Variants in MAL observed in about 807,000 individuals in gnomAD.
The protein encoded by MAL is myelin and lymphocyte protein.
Under a neutral mutation model 16.7 loss-of-function variants are expected in MAL, and 5 were observed. The ratio of observed to expected loss-of-function variants is 0.30; its 90% CI spans 0.16 to 0.63. MAL has a LOEUF of 0.63. MAL is among the 30% of genes least tolerant of loss of function. MAL has a pLI of 0.82. For synonymous variants in MAL, 96 were observed against 85.5 expected, an observed-to-expected ratio of 1.12 and a Z score of -0.67; for missense variants, 202 against 195.8, an observed-to-expected ratio of 1.03 and a Z score of -0.19.
Position 95,039,428 on chromosome 2 carries a change from C to G in MAL, c.94-8531C>G, listed in dbSNP as rs187003116. Among the ~76,000 whole-genome samples, 262 of 73,006 alleles carry G rather than the reference C, an allele frequency of 3.6e-3. 1 individual carries two copies. The highest frequency in any genetic ancestry group is 4.7e-3 in the Admixed American group (34 of 7,162). The allele number at this position is 73,006 out of a possible 152,430, so 47.9% of individuals were successfully genotyped here. ...AGTGAATGGGTGAGTGAGTGAGTGA[C>G]TGAGTGACTGAGTGAGTGAGTGAGT... On this transcript the variant is annotated intron_variant, in intron 1 of 3. Coordinates refer to ENST00000309988, the MANE Select transcript of MAL (RefSeq NM_002371.4).
intron 1 of MAL, among the ~76,000 whole-genome samples, chr2:95,033,215 G>A (rs1674129941): frequency 6.6e-6 from 1 of 152,212 alleles, no homozygotes; most frequent in Admixed American, 6.5e-5. Context: ...AGAAGATGAC[G>A]TTCCCTGACC....
chr2:95,042,203 G>A (rs1573296934), intron 1 of MAL, among the ~76,000 whole-genome samples: 1 of 152,206 alleles, frequency 6.6e-6, no homozygotes, highest in Non-Finnish European at 1.5e-5. Flanking sequence ...GACCTGGAGG[G>A]GGGCAGTCGG....
chr2:95,028,527 C>T (rs1674003835), intron 1 of MAL, among the ~76,000 whole-genome samples: 4 of 151,998 alleles, frequency 2.6e-5, no homozygotes. Flanking sequence ...TTGGTGTTCC[C>T]TCAAAAAATT....
At chr2:95,049,117 C>A (rs1674655215) in intron 2 of MAL, among the ~76,000 whole-genome samples, 1 of 152,192 alleles carries the variant, frequency 6.6e-6, no homozygotes, top group Non-Finnish European at 1.5e-5. Flanking sequence ...CACGCCCAGC[C>A]CTTTTTTGCT....
chr2:95,032,090 G>A (rs774962717), intron 1 of MAL, among the ~76,000 whole-genome samples: 1 of 152,262 alleles, frequency 6.6e-6, no homozygotes, highest in African/African-American at 2.4e-5. Flanking sequence ...ATGGGGCAAT[G>A]CCAGAACTGG....
chr2:95,026,157 G>A (rs530785725), intron 1 of MAL, among the ~76,000 whole-genome samples: 4 of 152,010 alleles, frequency 2.6e-5, no homozygotes, highest in Non-Finnish European at 5.9e-5. Context: ...AGCGGGGCAG[G>A]GGGGGACGGC....
At chr2:95,048,658 G>A (rs1674644621) in intron 2 of MAL, among the ~76,000 whole-genome samples, 2 of 152,206 alleles carry the variant, frequency 1.3e-5, no homozygotes, top group South Asian at 4.1e-4. Flanking sequence ...CCATGAAAAG[G>A]TAACTTTTAC....
intron 1 of MAL, among the ~76,000 whole-genome samples, chr2:95,036,324 T>C (rs1674204249): frequency 6.6e-6 from 1 of 152,164 alleles, no homozygotes; most frequent in Non-Finnish European, 1.5e-5. Flanking sequence ...CCTCATGGGC[T>C]CAGGTGGGGA....
chr2:95,042,991 G>T (rs1360069714), intron 1 of MAL, among the ~76,000 whole-genome samples: 1 of 152,204 alleles, frequency 6.6e-6, no homozygotes, highest in African/African-American at 2.4e-5. Flanking sequence ...TCTCAGCTTT[G>T]CACACAGCGG....
At chr2:95,047,862 T>C (rs1674624944) in intron 1 of MAL, 97 bp from the exon 2 acceptor site, 1 of 1,223,042 alleles carries the variant, frequency 8.2e-7, no homozygotes, top group African/African-American at 1.5e-5. Flanking sequence ...TCCTGTGTTT[T>C]TGCACTCCAG....
chr2:95,039,036 G>GTGAC (rs1172164747), intron 1 of MAL, among the ~76,000 whole-genome samples: 2 of 151,488 alleles, frequency 1.3e-5, no homozygotes, highest in African/African-American at 4.9e-5. Flanking sequence ...GAGTGAGTGA[G>GTGAC]TGACTGAGTG....
At chr2:95,050,218 G>A (rs780478088) in intron 3 of MAL, among the ~76,000 whole-genome samples, 5 of 152,200 alleles carry the variant, frequency 3.3e-5, no homozygotes, top group African/African-American at 9.7e-5. Context: ...CCAAGTGGTC[G>A]TCCATTGAAG....
chr2:95,039,692 GTGAC>G (rs1382929019), intron 1 of MAL, among the ~76,000 whole-genome samples: 2 of 145,002 alleles, frequency 1.4e-5, no homozygotes, highest in African/African-American at 5.1e-5. Context: ...GACTGAGTGA[GTGAC>G]TGAGTGACTG....
chr2:95,053,383 G>A lies in MAL; in HGVS notation c.390G>A (p.Val130=), dbSNP rs147251990. The change falls in exon 4 of 4, where the codon GTG becomes GTA. Residue 130 remains valine, a splice_region_variant and synonymous_variant. Coordinates refer to ENST00000309988, the MANE Select transcript of MAL (RefSeq NM_002371.4). ...RHYHENIAAV[V]FSYIATLLYV... ...ACGGCCATTTCTCTTGGTTCCAGGT[G>A]TTCTCCTACATAGCCACTCTGCTCT... 75 of 1,610,900 alleles carry A rather than the reference G, an allele frequency of 4.7e-5. No individual in the cohort carries two copies. Among genetic ancestry groups the A allele is most frequent in the Non-Finnish European group, 3.9e-5 (46 of 1,177,424 alleles).
At chr2:95,045,430 T>A (rs1674564091) in intron 1 of MAL, among the ~76,000 whole-genome samples, 1 of 152,198 alleles carries the variant, frequency 6.6e-6, no homozygotes. Context: ...CACCGATGCA[T>A]GGCTGGATGG....
intron 1 of MAL, among the ~76,000 whole-genome samples, chr2:95,036,480 C>T (rs1674209312): frequency 6.6e-6 from 1 of 152,200 alleles, no homozygotes; most frequent in African/African-American, 2.4e-5. Context: ...GGCAAGACTG[C>T]ATGAGAGAGG....
At chr2:95,027,158 C>A (rs1003561712) in intron 1 of MAL, among the ~76,000 whole-genome samples, 6 of 152,204 alleles carry the variant, frequency 3.9e-5, no homozygotes, top group South Asian at 2.1e-4. Flanking sequence ...AGCCAGCCCC[C>A]CGCTGGCCTC....
intron 1 of MAL, among the ~76,000 whole-genome samples, chr2:95,041,857 T>A (rs1242894472): frequency 6.6e-6 from 1 of 152,102 alleles, no homozygotes; most frequent in Non-Finnish European, 1.5e-5. Context: ...AGACCATGGA[T>A]GTGAACTCTG....
At chr2:95,030,557 G>A (rs936117800) in intron 1 of MAL, among the ~76,000 whole-genome samples, 3 of 152,212 alleles carry the variant, frequency 2.0e-5, no homozygotes, top group Admixed American at 1.3e-4. Context: ...CAGATGCGAG[G>A]TCTCCCACAG....
Sources: allele counts gnomAD v4.1 joint callset (sites outside exome capture counted in the v4.1 genomes callset), GRCh38; gene constraint gnomAD v4.1.1; transcripts MANE v1.5; gene names NCBI Gene and HGNC (gene_info 2026-07-23, HGNC 2026-07-21).